The following RGS12 variants were observed in gnomAD, a reference collection of about 807,000 sequenced individuals.
RGS12 encodes regulator of G-protein signaling 12.
Under a neutral mutation model 120.1 loss-of-function variants are expected in RGS12, and 66 were observed. The observed-to-expected ratio is 0.55, with a 90% CI of 0.45 to 0.67. The LOEUF is 0.67. Among genes scored for constraint, RGS12 ranks in the 30% least tolerant of loss-of-function variants. The pLI is 0.00. For synonymous variants in RGS12, 827 were observed against 804.7 expected, an observed-to-expected ratio of 1.03 and a Z score of -0.47; for missense variants, 1,859 against 1,957.7, an observed-to-expected ratio of 0.95 and a Z score of 0.95.
chr4:3,383,950 G>GT (rs889052238), intron 3 of RGS12, among the ~76,000 whole-genome samples: 5 of 152,160 alleles, frequency 3.3e-5, no homozygotes, highest in African/African-American at 1.2e-4. Flanking sequence ...GTGTATAGAG[G>GT]TTTTCTAGAG....
chr4:3,359,814 G>A lies in RGS12; in HGVS notation c.1998+16761G>A, dbSNP rs185316949. 3.1e-3 allele frequency among the ~76,000 whole-genome samples: 465 copies of A among 151,942 alleles called. 4 individuals are homozygous for A. Among genetic ancestry groups the A allele is most frequent in the African/African-American group, 0.011 (439 of 41,462 alleles). ...ATTTTTGTATTTTTAGTAGAGATAGGGTTTCGCCATGTTGGCCAGGCTGGT... is the reference window on the plus strand; with the variant it reads ...ATTTTTGTATTTTTAGTAGAGATAGAGTTTCGCCATGTTGGCCAGGCTGGT... On this transcript the variant is annotated intron_variant, in intron 3 of 17. Coordinates refer to ENST00000336727, the MANE Select transcript of RGS12 (RefSeq NM_001394154.1).
At chr4:3,337,788 G>A (rs114792218) in intron 2 of RGS12, among the ~76,000 whole-genome samples, 72 of 152,282 alleles carry the variant, frequency 4.7e-4, no homozygotes, top group Middle Eastern at 3.4e-3. Context: ...ATAACAGTAC[G>A]AACACACCTA....
At chr4:3,340,653 A>G (rs1279514084) in intron 2 of RGS12, among the ~76,000 whole-genome samples, 1 of 152,168 alleles carries the variant, frequency 6.6e-6, no homozygotes, top group Non-Finnish European at 1.5e-5. Context: ...CTGTGTCCTA[A>G]TGGGACCACA....
At chr4:3,392,869 T>G (rs1162885125) in intron 4 of RGS12, among the ~76,000 whole-genome samples, 1 of 152,128 alleles carries the variant, frequency 6.6e-6, no homozygotes, top group Non-Finnish European at 1.5e-5. Context: ...ATGCCTGTAA[T>G]CCCAGCTACT....
intron 2 of RGS12, 134 bp downstream of exon 2, chr4:3,318,185 C>A: frequency 1.3e-6 from 1 of 777,652 alleles, no homozygotes; most frequent in Non-Finnish European, 2.1e-6. Context: ...GTGGCCATCA[C>A]AGGGTGTCTG....
chr4:3,344,544 G>C (rs1182215526), intron 3 of RGS12, among the ~76,000 whole-genome samples: 1 of 152,224 alleles, frequency 6.6e-6, no homozygotes, highest in African/African-American at 2.4e-5. Flanking sequence ...CTGTGCTGGT[G>C]CCCTGGTGAA....
chr4:3,329,099 G>T (rs1711541882), intron 2 of RGS12, among the ~76,000 whole-genome samples: 1 of 152,200 alleles, frequency 6.6e-6, no homozygotes, highest in African/African-American at 2.4e-5. Flanking sequence ...GCTGCACACT[G>T]CGAGCATCAG....
chr4:3,336,018 G>T lies in RGS12; in HGVS notation c.1882-6919G>T, dbSNP rs188460018. The stretch of plus-strand genomic sequence containing the variant: ...GAGGCAGGAGAATTGCTTGAATCTG[G>T]GAGGTGGAGGTTGCAGTGAGCCCAG... On this transcript the variant is annotated intron_variant, in intron 2 of 17. Transcript: ENST00000336727. Among the ~76,000 whole-genome samples, 3 of 152,276 alleles carry T rather than the reference G, an allele frequency of 2.0e-5. No individual in the cohort carries two copies. In the East Asian group the frequency reaches 5.8e-4, roughly 29 times the overall value.
chr4:3,409,385 T>G (rs1289558691), intron 4 of RGS12, among the ~76,000 whole-genome samples: 6 of 152,290 alleles, frequency 3.9e-5, no homozygotes, highest in Non-Finnish European at 8.8e-5. Flanking sequence ...AAGGGTCAGT[T>G]ATTGATTTGT....
chr4:3,438,808 AGTCAC>A (rs899129460), intron 17 of RGS12, among the ~76,000 whole-genome samples: 6 of 151,866 alleles, frequency 4.0e-5, no homozygotes, highest in Admixed American at 3.3e-4. Flanking sequence ...GTGGGGCAAG[AGTCAC>A]TGACCAGCCG....
intron 1 of RGS12, among the ~76,000 whole-genome samples, chr4:3,299,896 G>T (rs1006502191): frequency 1.3e-5 from 2 of 152,156 alleles, no homozygotes; most frequent in South Asian, 2.1e-4. Context: ...TGGACCCCAC[G>T]CAGGTGTGCT....
intron 16 of RGS12, among the ~76,000 whole-genome samples, 175 bp downstream of exon 16, chr4:3,428,886 A>G (rs1723954634): frequency 6.6e-6 from 1 of 152,202 alleles, no homozygotes; most frequent in African/African-American, 2.4e-5. Flanking sequence ...CACTCCACCG[A>G]AACCCCAGTT....
In RGS12 at chr4:3,372,419, G is replaced by C. The variant is rs1228320695; in HGVS notation, c.1999-13997G>C. Among the ~76,000 whole-genome samples, 1 of 152,256 alleles carries C rather than the reference G, an allele frequency of 6.6e-6. No homozygotes were observed. Among genetic ancestry groups the C allele is most frequent in the Non-Finnish European group, 1.5e-5 (1 of 68,052 alleles). The stretch of plus-strand genomic sequence containing the variant: ...GTCCCCACTGCAAGTGAGTGCCCAG[G>C]TGAAGGCCCTGCTGGCGCACGGCTG... On this transcript the variant is annotated intron_variant, in intron 3 of 17. Transcript: ENST00000336727. This position sits in a 1 kb window ranked among gnomAD's most constrained non-coding sequence, Gnocchi z 4.3.
At chr4:3,385,235 C>T (rs1718713464) in intron 3 of RGS12, 1 of 152,410 alleles carries the variant, frequency 6.6e-6, no homozygotes, top group Non-Finnish European at 1.5e-5. Context: ...CCCTGGCAGC[C>T]CTCGCCTTGG....
chr4:3,338,266 G>C (rs1427724807), intron 2 of RGS12, among the ~76,000 whole-genome samples: 2 of 152,174 alleles, frequency 1.3e-5, no homozygotes, highest in African/African-American at 4.8e-5. Context: ...CTCCATGTTG[G>C]TCAGGCTGGT....
At chr4:3,293,457 G>GT (rs34020206) in intron 1 of RGS12, among the ~76,000 whole-genome samples, 135 of 150,952 alleles carry the variant, frequency 8.9e-4, no homozygotes, top group African/African-American at 3.1e-3. Flanking sequence ...CGGGCAGGGG[G>GT]TCCCGCGGGC....
intron 1 of RGS12, among the ~76,000 whole-genome samples, chr4:3,300,667 T>G (rs71608268): frequency 0.08 from 12,244 of 152,214 alleles, 653 homozygotes; most frequent in African/African-American, 0.15. Context: ...TCTCCCAGCT[T>G]CCAGGGCTCC....
chr4:3,414,395 A>C, intron 5 of RGS12, 154 bp downstream of exon 5: 2 of 843,364 alleles, frequency 2.4e-6, no homozygotes, highest in Non-Finnish European at 3.6e-6. Flanking sequence ...CCACCCTCTC[A>C]AGAGCTCAGA....
rs562981958 is a variant in RGS12, at chr4:3,370,212, C to T, written c.1999-16204C>T. ...AAACTTTTCTCACACGCACAAGCTG[C>T]GGTGTTGAATGGTGTGTCTTAGACC... On this transcript the variant is annotated intron_variant, in intron 3 of 17. Coordinates refer to ENST00000336727, the MANE Select transcript of RGS12 (RefSeq NM_001394154.1). 40 of 1,591,370 alleles carry T rather than the reference C, an allele frequency of 2.5e-5. 1 individual carries two copies. In the East Asian group the frequency reaches 6.1e-4, roughly 24 times the overall value.
Sources: gnomAD v4.1 joint callset for allele counts (sites outside exome capture counted in the v4.1 genomes callset) on GRCh38, gnomAD v4.1.1 for gene constraint, Gnocchi (gnomAD v3.1) non-coding constraint, MANE v1.5 for transcripts, NCBI Gene and HGNC (gene_info 2026-07-23, HGNC 2026-07-21) for gene names.